Variants in CBFA2T3 observed in about 807,000 individuals in gnomAD.
CBFA2T3 encodes CBFA2/RUNX1 partner transcriptional co-repressor 3.
In CBFA2T3, 31 loss-of-function variants were observed where a neutral mutation model predicts 58.6. The observed-to-expected ratio is 0.53, with a 90% CI of 0.40 to 0.71. CBFA2T3 has a LOEUF of 0.71. Among genes scored for constraint, CBFA2T3 ranks in the 30% least tolerant of loss-of-function variants. The pLI is 0.00. For missense variants in CBFA2T3, 1,076 were observed against 963.1 expected, an observed-to-expected ratio of 1.12 and a Z score of -1.55; for synonymous variants, 531 against 421.9, an observed-to-expected ratio of 1.26 and a Z score of -3.17.
chr16:88,941,659 G>C (rs900538920), intron 1 of CBFA2T3: 1 of 148,480 alleles, frequency 6.7e-6, no homozygotes, highest in African/African-American at 2.4e-5. Flanking sequence ...AGGCGCAGGC[G>C]GGGGCGAGCG....
chr16:88,925,656 C>T (rs1185058779), intron 1 of CBFA2T3, among the ~76,000 whole-genome samples: 1 of 152,214 alleles, frequency 6.6e-6, no homozygotes, highest in Non-Finnish European at 1.5e-5. Flanking sequence ...CCCTCCAGGG[C>T]ACCAGGGTAA....
intron 5 of CBFA2T3, among the ~76,000 whole-genome samples, chr16:88,889,326 G>A (rs1969528209): frequency 8.0e-6 from 1 of 124,962 alleles, no homozygotes; most frequent in Non-Finnish European, 1.7e-5. Context: ...AGGGCAGGAG[G>A]AAAGGAGGGG....
chr16:88,928,366 G>C (rs964899752), intron 1 of CBFA2T3, among the ~76,000 whole-genome samples: 8 of 152,202 alleles, frequency 5.3e-5, no homozygotes, highest in Non-Finnish European at 1.0e-4. Flanking sequence ...GTCTGTGAGG[G>C]AGTCACAACG....
At position 88,879,408 on chromosome 16, in the gene CBFA2T3, G is replaced by A. The variant is rs770004172; in HGVS notation, c.1524C>T (p.Ala508=). 36 of 1,612,976 alleles carry A rather than the reference G, an allele frequency of 2.2e-5. No homozygotes were observed. The highest frequency in any genetic ancestry group is 5.5e-5 in the South Asian group (5 of 91,082). The change falls in exon 11 of 12, where the codon GCC becomes GCT. Residue 508 remains alanine, a synonymous_variant. Transcript: ENST00000268679. ...KRQAMSELQK[A]VSDAERKAHE... ...GCGCTTTGCGCTCCGCGTCCGACAC[G>A]GCTTTCTGCAGCTCCGACATGGCCT... is the stretch of plus-strand genomic sequence containing the variant.
chr16:88,968,684 G>A (rs1200571993), intron 1 of CBFA2T3, among the ~76,000 whole-genome samples: 1 of 152,228 alleles, frequency 6.6e-6, no homozygotes, highest in Non-Finnish European at 1.5e-5. Context: ...GGCTGGGGGT[G>A]TCAGGACAAC....
At chr16:88,954,294 C>T (rs1246698329) in intron 1 of CBFA2T3, among the ~76,000 whole-genome samples, 2 of 152,132 alleles carry the variant, frequency 1.3e-5, no homozygotes, top group African/African-American at 4.8e-5. Context: ...CTGCCCAAGT[C>T]TCCTGACCCA....
chr16:88,893,506 G>A (rs958779692), intron 3 of CBFA2T3, among the ~76,000 whole-genome samples: 13 of 152,216 alleles, frequency 8.5e-5, no homozygotes, highest in Non-Finnish European at 1.6e-4. Flanking sequence ...GCCTGCTAAT[G>A]GGGTTCCAGG....
In CBFA2T3 at chr16:88,973,789, C is replaced by T. The variant is rs147623543; in HGVS notation, c.151+2868G>A. On this transcript the variant is annotated intron_variant, in intron 1 of 11. Coordinates refer to ENST00000268679, the MANE Select transcript of CBFA2T3 (RefSeq NM_005187.6). Reference sequence around the variant, plus strand: ...GCCCAGGCTGACCGCAGGCTCTGGACGTGACCCCTTTGCCAGGTGGGCTCC... The same window carrying T: ...GCCCAGGCTGACCGCAGGCTCTGGATGTGACCCCTTTGCCAGGTGGGCTCC... Among the ~76,000 whole-genome samples, 734 of 152,302 alleles carry T rather than the reference C, an allele frequency of 4.8e-3. 10 individuals carry two copies. Among genetic ancestry groups the T allele is most frequent in the African/African-American group, 0.016 (681 of 41,554 alleles).
rs1440724843 is a variant in CBFA2T3 at position 88,894,173 on chromosome 16, ACAC to A, written c.380-1691_380-1689del. Among the ~76,000 whole-genome samples the A allele has an allele frequency of 1.5e-4, 23 of 151,292 alleles. 1 individual carries two copies. Among genetic ancestry groups the A allele is most frequent in the Admixed American group, 1.4e-3 (22 of 15,196 alleles). ...CACACATGCACGCACACATGCACAC[ACAC>A]ATGCATACATATACACATGCACACA... On this transcript the variant is annotated intron_variant, in intron 3 of 11. Transcript: ENST00000268679.
chr16:88,945,662 A>G (rs974373916), intron 1 of CBFA2T3, among the ~76,000 whole-genome samples: 1 of 152,230 alleles, frequency 6.6e-6, no homozygotes, highest in African/African-American at 2.4e-5. Flanking sequence ...CAACACACGG[A>G]CAACCCCAGA....
chr16:88,912,817 G>C (rs1241759374), intron 1 of CBFA2T3, among the ~76,000 whole-genome samples: 2 of 152,202 alleles, frequency 1.3e-5, no homozygotes, highest in African/African-American at 4.8e-5. Context: ...GGCTTGAATC[G>C]AGGCCTGTCC....
At chr16:88,907,263 G>C (rs1189264064) in intron 1 of CBFA2T3, among the ~76,000 whole-genome samples, 2 of 152,140 alleles carry the variant, frequency 1.3e-5, no homozygotes, top group Non-Finnish European at 2.9e-5. Context: ...CCCAGCACAA[G>C]GGGGTCCCTG....
chr16:88,914,387 T>G (rs191654808), intron 1 of CBFA2T3, among the ~76,000 whole-genome samples: 1 of 152,238 alleles, frequency 6.6e-6, no homozygotes, highest in East Asian at 1.9e-4. Context: ...TGTGCAGTGC[T>G]GCGAGCATAC....
Position 88,874,864 on chromosome 16 carries a change from TTC to T in CBFA2T3, c.*2110_*2111del, listed in dbSNP as rs987776466. The T allele has an allele frequency of 3.5e-5, 8 of 227,982 alleles. No individual in the cohort carries two copies. The highest frequency in any genetic ancestry group is 5.2e-5 in the Non-Finnish European group (6 of 114,606). 14.1% of individuals were successfully genotyped at this position (227,982 alleles called of 1,614,324 possible). On this transcript the variant is annotated 3_prime_UTR_variant, in exon 12 of 12. Transcript: ENST00000268679. ...CCTACACTTCGCAAACTCCTGCGGT[TTC>T]TGTTTTTTATTTGGCAAACATCTCG...
At chr16:88,945,101 G>C (rs530444462) in intron 1 of CBFA2T3, among the ~76,000 whole-genome samples, 2 of 152,326 alleles carry the variant, frequency 1.3e-5, no homozygotes. Flanking sequence ...AGAATAGAAA[G>C]TCTGATACAC....
chr16:88,877,661 G>A (rs550847565), intron 11 of CBFA2T3, among the ~76,000 whole-genome samples: 3 of 151,730 alleles, frequency 2.0e-5, no homozygotes, highest in African/African-American at 7.3e-5. Context: ...ACACCCACCC[G>A]TCCCCCTCCC....
At position 88,881,299 on chromosome 16, in the gene CBFA2T3, G is replaced by A. The variant is rs1423013656; in HGVS notation, c.1394C>T (p.Pro465Leu). Reference sequence around the variant, plus strand: ...CCACACCCCACACGCACCTAGCTGAGGCCCTTCGGGACCGGCGGAGCTGCT... The same window carrying A: ...CCACACCCCACACGCACCTAGCTGAAGCCCTTCGGGACCGGCGGAGCTGCT... Reference protein sequence around the residue: ...PRSSSAGPEGPQLDVPREFLP... With the variant: ...PRSSSAGPEGLQLDVPREFLP... Residue 465 changes from proline (P) to leucine (L), a missense_variant, in exon 9 of 12, where the codon CCT becomes CTT. Coordinates refer to ENST00000268679, the MANE Select transcript of CBFA2T3 (RefSeq NM_005187.6). 6.3e-7 allele frequency: 1 copy of A among 1,592,304 alleles called. No individual in the cohort carries two copies. The highest frequency in any genetic ancestry group is 2.2e-5 in the East Asian group (1 of 44,502).
At chr16:88,900,590 G>A (rs948391651) in intron 2 of CBFA2T3, among the ~76,000 whole-genome samples, 6 of 152,180 alleles carry the variant, frequency 3.9e-5, no homozygotes, top group African/African-American at 1.2e-4. Flanking sequence ...GAGGGGCTTC[G>A]TTTGAGTTTC....
intron 1 of CBFA2T3, among the ~76,000 whole-genome samples, chr16:88,956,780 C>T (rs1044570808): frequency 7.9e-5 from 12 of 152,206 alleles, no homozygotes; most frequent in Non-Finnish European, 1.5e-4. Context: ...CTTTCCTGAC[C>T]GAGTTTGGAA....
Sources: allele counts gnomAD v4.1 joint callset (sites outside exome capture counted in the v4.1 genomes callset), GRCh38; gene constraint gnomAD v4.1.1; transcripts MANE v1.5; gene names NCBI Gene and HGNC (gene_info 2026-07-23, HGNC 2026-07-21).